Variants in GRIN2B observed in about 807,000 individuals in gnomAD.
GRIN2B encodes glutamate ionotropic receptor NMDA type subunit 2B.
GRIN2B carries 5 observed loss-of-function variants against 114.5 expected under a neutral mutation model. The ratio of observed to expected loss-of-function variants is 0.04; its 90% CI spans 0.02 to 0.09. GRIN2B has a LOEUF of 0.09. GRIN2B is among the 10% of genes least tolerant of loss of function. The pLI, the probability that GRIN2B is intolerant of heterozygous loss-of-function variation, is 1.00. For missense variants in GRIN2B, 1,108 were observed against 1,943.5 expected, an observed-to-expected ratio of 0.57 and a Z score of 8.08; for synonymous variants, 787 against 745.1, an observed-to-expected ratio of 1.06 and a Z score of -0.92.
At chr12:13,649,138 G>T (rs577375937) in intron 5 of GRIN2B, among the ~76,000 whole-genome samples, 3 of 152,152 alleles carry the variant, frequency 2.0e-5, no homozygotes, top group East Asian at 3.9e-4. Context: ...CTTGCCAGGG[G>T]TTGTTAGGAA....
intron 2 of GRIN2B, among the ~76,000 whole-genome samples, chr12:13,880,989 T>TAA (rs1276924053): frequency 6.9e-6 from 1 of 145,152 alleles, no homozygotes; most frequent in Non-Finnish European, 1.5e-5. Flanking sequence ...CAAAGGGGTA[T>TAA]AAGGTTGTGT....
At chr12:13,923,942 A>G (rs982422234) in intron 2 of GRIN2B, among the ~76,000 whole-genome samples, 9 of 152,178 alleles carry the variant, frequency 5.9e-5, no homozygotes, top group East Asian at 1.9e-4. Context: ...TACTCCAACA[A>G]TAACTAACAA....
At chr12:13,730,213 TAATGG>T (rs1252658429) in intron 4 of GRIN2B, among the ~76,000 whole-genome samples, 1 of 152,140 alleles carries the variant, frequency 6.6e-6, no homozygotes, top group Non-Finnish European at 1.5e-5. Flanking sequence ...TATAAAACTA[TAATGG>T]AAGAAATCCA....
At chr12:13,715,454 G>A (rs970327055) in intron 4 of GRIN2B, among the ~76,000 whole-genome samples, 5 of 152,006 alleles carry the variant, frequency 3.3e-5, no homozygotes, top group Middle Eastern at 3.4e-3. Context: ...TGCTCTGAAG[G>A]TAAAAAGTTG....
At chr12:13,725,464 A>G (rs1248873235) in intron 4 of GRIN2B, among the ~76,000 whole-genome samples, 1 of 152,074 alleles carries the variant, frequency 6.6e-6, no homozygotes, top group Non-Finnish European at 1.5e-5. Context: ...TGGGGAAGCT[A>G]AGGCATATGG....
At chr12:13,926,783 C>A (rs113171498) in intron 2 of GRIN2B, among the ~76,000 whole-genome samples, 2 of 152,034 alleles carry the variant, frequency 1.3e-5, no homozygotes, top group South Asian at 2.1e-4. Flanking sequence ...GAAACCCAAG[C>A]TCTACTAAAA....
intron 2 of GRIN2B, among the ~76,000 whole-genome samples, chr12:13,947,636 G>C (rs1340960777): frequency 6.6e-6 from 1 of 152,138 alleles, no homozygotes; most frequent in Admixed American, 6.5e-5. Context: ...TGTATTCTTA[G>C]ATTTTCAATA....
At chr12:13,629,215 G>A (rs921099141) in intron 5 of GRIN2B, among the ~76,000 whole-genome samples, 10 of 152,124 alleles carry the variant, frequency 6.6e-5, no homozygotes, top group African/African-American at 2.2e-4. Flanking sequence ...AGACAATAAC[G>A]GTCAATTTGG....
chr12:13,756,330 T>A (rs919038295), intron 3 of GRIN2B, among the ~76,000 whole-genome samples: 1 of 152,186 alleles, frequency 6.6e-6, no homozygotes. Context: ...CTGTTCTTTA[T>A]AAGTTACTCA....
intron 12 of GRIN2B, among the ~76,000 whole-genome samples, chr12:13,568,292 C>T (rs58503429): frequency 0.025 from 3,833 of 152,214 alleles, 158 homozygotes; most frequent in African/African-American, 0.087. Context: ...TCTAGACAAG[C>T]AAAATTCTGA....
chr12:13,701,705 C>A (rs1406537474), intron 4 of GRIN2B, among the ~76,000 whole-genome samples: 1 of 151,500 alleles, frequency 6.6e-6, no homozygotes, highest in Non-Finnish European at 1.5e-5. Context: ...GGATGACTAG[C>A]ACAAGAAGCC....
At chr12:13,789,515 T>C (rs1018427464) in intron 3 of GRIN2B, among the ~76,000 whole-genome samples, 18 of 152,202 alleles carry the variant, frequency 1.2e-4, no homozygotes, top group Non-Finnish European at 1.9e-4. Context: ...AATACCCTAG[T>C]GTAAGAACTG....
chr12:13,865,300 G>A (rs1865809620), intron 3 of GRIN2B, among the ~76,000 whole-genome samples: 2 of 152,192 alleles, frequency 1.3e-5, no homozygotes. Flanking sequence ...AACTATAGGA[G>A]TTTCTAGATA....
chr12:13,948,967 G>C (rs61914323), intron 2 of GRIN2B, among the ~76,000 whole-genome samples: 10,555 of 152,240 alleles, frequency 0.069, 460 homozygotes, highest in Middle Eastern at 0.11. Context: ...TCTTGGGAAA[G>C]GAGGGAAAGC....
At chr12:13,597,701 C>T (rs1949094225) in intron 10 of GRIN2B, among the ~76,000 whole-genome samples, 1 of 152,196 alleles carries the variant, frequency 6.6e-6, no homozygotes, top group African/African-American at 2.4e-5. Flanking sequence ...TTCATAAATT[C>T]CTGCTTTTGC....
At chr12:13,693,054 C>T (rs1055871873) in intron 4 of GRIN2B, among the ~76,000 whole-genome samples, 3 of 152,010 alleles carry the variant, frequency 2.0e-5, no homozygotes, top group African/African-American at 7.2e-5. Flanking sequence ...AGGCGTGAGC[C>T]ACTGCACCCA....
intron 3 of GRIN2B, among the ~76,000 whole-genome samples, chr12:13,827,736 C>T (rs532664930): frequency 1.8e-4 from 28 of 152,060 alleles, no homozygotes; most frequent in African/African-American, 6.3e-4. Flanking sequence ...GGGTGGAGTG[C>T]GGTGGTATGA....
chr12:13,930,201 A>T (rs971196991), intron 2 of GRIN2B, among the ~76,000 whole-genome samples: 28 of 152,176 alleles, frequency 1.8e-4, no homozygotes, highest in African/African-American at 6.8e-4. Context: ...ATAGATAAAT[A>T]AATAAATAAA....
At chr12:13,596,703 A>G (rs1261131457) in intron 10 of GRIN2B, among the ~76,000 whole-genome samples, 1 of 152,234 alleles carries the variant, frequency 6.6e-6, no homozygotes, top group Non-Finnish European at 1.5e-5. Flanking sequence ...CTCATTATAT[A>G]AGTGGTTCTT....
Sources: allele counts gnomAD v4.1 joint callset (sites outside exome capture counted in the v4.1 genomes callset), GRCh38; gene constraint gnomAD v4.1.1; transcripts MANE v1.5; gene names NCBI Gene and HGNC (gene_info 2026-07-23, HGNC 2026-07-21).